The following MRTFA variants were observed in gnomAD, a reference collection of about 807,000 sequenced individuals.
The protein encoded by MRTFA is myocardin-related transcription factor A.
Under a neutral mutation model 83.5 loss-of-function variants are expected in MRTFA, and 20 were observed. That is an observed-to-expected ratio of 0.24 (90% CI 0.17 to 0.35). The LOEUF (loss-of-function observed/expected upper bound fraction) is 0.35. Among genes scored for constraint, MRTFA ranks in the 10% least tolerant of loss-of-function variants. MRTFA has a pLI of 1.00. For missense variants in MRTFA, 1,200 were observed against 1,224.7 expected (o/e 0.98, Z 0.30); for synonymous variants, 659 against 541.2 (o/e 1.22, Z -3.02).
At chr22:40,493,245 G>T (rs2054298458) in intron 3 of MRTFA, among the ~76,000 whole-genome samples, 1 of 152,156 alleles carries the variant, frequency 6.6e-6, no homozygotes, top group African/African-American at 2.4e-5. Context: ...AGATATTAAG[G>T]CTGACAGCAC....
intron 1 of MRTFA, among the ~76,000 whole-genome samples, chr22:40,598,938 C>T (rs1020450541): frequency 2.7e-5 from 4 of 145,892 alleles, no homozygotes; most frequent in African/African-American, 5.1e-5. Flanking sequence ...CTGGAGGTTG[C>T]GGTGAGTCAA....
At chr22:40,481,196 G>A (rs1055686342) in intron 3 of MRTFA, among the ~76,000 whole-genome samples, 11 of 152,232 alleles carry the variant, frequency 7.2e-5, no homozygotes, top group African/African-American at 2.2e-4. Context: ...GTAAGAGGAC[G>A]TCACAGGACT....
At chr22:40,439,504 CAAAAAAAAAAAAA>C (rs756033541) in intron 4 of MRTFA, among the ~76,000 whole-genome samples, 9 of 32,150 alleles carry the variant, frequency 2.8e-4, no homozygotes, top group South Asian at 8.9e-4. Context: ...GACTCTGTCT[CAAAAAAAAAAAAA>C]AAAAAAAAAA....
intron 3 of MRTFA, among the ~76,000 whole-genome samples, chr22:40,481,629 A>T (rs1183106814): frequency 6.6e-6 from 1 of 152,166 alleles, no homozygotes; most frequent in East Asian, 1.9e-4. Context: ...TTTTGAAGAG[A>T]CCGATGACTC....
At chr22:40,524,197 T>C (rs909232893) in intron 3 of MRTFA, among the ~76,000 whole-genome samples, 1 of 152,186 alleles carries the variant, frequency 6.6e-6, no homozygotes, top group African/African-American at 2.4e-5. Flanking sequence ...CAGGAATCTG[T>C]GGTGGGAGGA....
At position 40,550,846 on chromosome 22, in the gene MRTFA, TTTTTTC is replaced by T. The variant is rs200050404; in HGVS notation, c.241+1254_241+1259del. 1.8e-3 allele frequency among the ~76,000 whole-genome samples: 137 copies of T among 75,858 alleles called. 1 individual carries two copies. The highest frequency in any genetic ancestry group is 9.1e-3 in the East Asian group (6 of 662). 49.8% of individuals were successfully genotyped at this position (75,858 alleles called of 152,430 possible). A position where few individuals can be genotyped will look rare whatever the true frequency, so the allele number is the denominator to read the frequency against. ...TATATTGTTCTTTATCCATTTTTTCTTTTTTCTTTTTTTTTTTTTTTTGAGACGGAA... is the reference window on the plus strand; with the variant it reads ...TATATTGTTCTTTATCCATTTTTTCTTTTTTTTTTTTTTTTTGAGACGGAA... On this transcript the variant is annotated intron_variant, in intron 3 of 14. Coordinates refer to ENST00000355630, the MANE Select transcript of MRTFA (RefSeq NM_020831.6).
chr22:40,594,219 G>A (rs181387000), intron 2 of MRTFA, among the ~76,000 whole-genome samples: 18 of 152,190 alleles, frequency 1.2e-4, no homozygotes, highest in Admixed American at 1.2e-3. Context: ...CTACTGTCTA[G>A]TCAGGTCCTT....
intron 3 of MRTFA, among the ~76,000 whole-genome samples, chr22:40,495,850 G>A (rs113641588): frequency 1.2e-4 from 18 of 151,020 alleles, no homozygotes; most frequent in Admixed American, 2.6e-4. Context: ...GGCGAATCAC[G>A]AAGTCAGGAA....
intron 2 of MRTFA, among the ~76,000 whole-genome samples, chr22:40,584,031 T>A (rs2055987863): frequency 6.6e-6 from 1 of 152,238 alleles, no homozygotes; most frequent in Non-Finnish European, 1.5e-5. Context: ...ATTCTGGGAT[T>A]ATTTCATCAC....
rs889549218 is a variant in MRTFA, at chr22:40,519,378, T to C, written c.241+32728A>G. On this transcript the variant is annotated intron_variant, in intron 3 of 14. Transcript: ENST00000355630. ...ACTCTTCTCAAACCTTGGAGGGTTT[T>C]GTGTAATATTTCATTTAGTCAGCTC... The C allele has an allele frequency of 6.1e-5, 78 of 1,282,358 alleles. 1 individual carries two copies. Among genetic ancestry groups the C allele is most frequent in the South Asian group, 4.9e-4 (39 of 80,346 alleles). 79.4% of individuals were successfully genotyped at this position (1,282,358 alleles called of 1,614,324 possible).
At chr22:40,583,613 G>A (rs778791281) in intron 2 of MRTFA, among the ~76,000 whole-genome samples, 5 of 152,188 alleles carry the variant, frequency 3.3e-5, no homozygotes, top group Non-Finnish European at 7.3e-5. Context: ...AACTATTACG[G>A]CCTGAGCTCT....
At chr22:40,500,247 T>C (rs535966409) in intron 3 of MRTFA, among the ~76,000 whole-genome samples, 3 of 151,430 alleles carry the variant, frequency 2.0e-5, no homozygotes, top group Admixed American at 1.3e-4. Context: ...GATTTTTTTT[T>C]TTTTATGCTT....
chr22:40,635,253 T>A (rs1272647421), intron 1 of MRTFA, among the ~76,000 whole-genome samples: 1 of 152,208 alleles, frequency 6.6e-6, no homozygotes, highest in East Asian at 1.9e-4. Context: ...GGGAGATGAC[T>A]GCTTTTCAAC....
At chr22:40,571,856 G>A (rs1401551381) in intron 2 of MRTFA, among the ~76,000 whole-genome samples, 7 of 146,826 alleles carry the variant, frequency 4.8e-5, no homozygotes, top group African/African-American at 1.0e-4. Context: ...CCTGGGAGGC[G>A]GAGCTTGCAG....
At chr22:40,497,594 A>C (rs2054377612) in intron 3 of MRTFA, among the ~76,000 whole-genome samples, 1 of 152,044 alleles carries the variant, frequency 6.6e-6, no homozygotes, top group Non-Finnish European at 1.5e-5. Flanking sequence ...CTCTACTAAA[A>C]ATACAAAAAT....
intron 2 of MRTFA, among the ~76,000 whole-genome samples, chr22:40,585,312 A>G (rs1376238437): frequency 6.6e-6 from 1 of 152,214 alleles, no homozygotes; most frequent in Non-Finnish European, 1.5e-5. Context: ...ATTTATAACA[A>G]AAAGTTATAT....
At chr22:40,571,394 A>G (rs1325336434) in intron 2 of MRTFA, among the ~76,000 whole-genome samples, 1 of 152,156 alleles carries the variant, frequency 6.6e-6, no homozygotes, top group Non-Finnish European at 1.5e-5. Flanking sequence ...AAGTACATGG[A>G]ACCAAAGGAA....
At chr22:40,428,854 A>G (rs2053009195) in intron 7 of MRTFA, among the ~76,000 whole-genome samples, 1 of 152,044 alleles carries the variant, frequency 6.6e-6, no homozygotes, top group Non-Finnish European at 1.5e-5. Context: ...ATCAGGTCCT[A>G]GGGTTGTTCT....
At chr22:40,599,991 T>C (rs1017720560) in intron 1 of MRTFA, among the ~76,000 whole-genome samples, 3 of 146,454 alleles carry the variant, frequency 2.0e-5, no homozygotes, top group Non-Finnish European at 3.0e-5. Flanking sequence ...AGAAAATCAA[T>C]TTAGAGGTTT....
Sources: gnomAD v4.1 joint callset for allele counts (sites outside exome capture counted in the v4.1 genomes callset) on GRCh38, gnomAD v4.1.1 for gene constraint, MANE v1.5 for transcripts, NCBI Gene and HGNC (gene_info 2026-07-23, HGNC 2026-07-21) for gene names.